The following TMEM135 variants were observed in gnomAD, a reference collection of about 807,000 sequenced individuals.
TMEM135 encodes peroxisomal membrane protein 52.
In TMEM135, 30 loss-of-function variants were observed where a neutral mutation model predicts 60.3. The observed-to-expected ratio is 0.50, with a 90% CI of 0.37 to 0.68. The LOEUF (loss-of-function observed/expected upper bound fraction) is 0.68. TMEM135 is among the 30% of genes least tolerant of loss of function. The pLI is 0.00. For synonymous variants in TMEM135, 190 were observed against 186.7 expected, an observed-to-expected ratio of 1.02 and a Z score of -0.14; for missense variants, 468 against 548.8, an observed-to-expected ratio of 0.85 and a Z score of 1.47.
intron 3 of TMEM135, among the ~76,000 whole-genome samples, chr11:87,085,765 A>G (rs1857083304): frequency 6.6e-6 from 1 of 152,150 alleles, no homozygotes; most frequent in Admixed American, 6.5e-5. Flanking sequence ...AAAAACAAAC[A>G]AACAACAACA....
At chr11:87,253,519 T>C (rs1024671135) in intron 6 of TMEM135, among the ~76,000 whole-genome samples, 1 of 151,940 alleles carries the variant, frequency 6.6e-6, no homozygotes. Context: ...ACCACTAATA[T>C]GTTATTCATT....
chr11:87,257,711 A>AG (rs1941557385), intron 6 of TMEM135, among the ~76,000 whole-genome samples: 1 of 152,148 alleles, frequency 6.6e-6, no homozygotes, highest in African/African-American at 2.4e-5. Context: ...TTGGTGGCCT[A>AG]GGGGAGTTGG....
At chr11:87,076,310 A>G (rs937670415) in intron 3 of TMEM135, among the ~76,000 whole-genome samples, 4 of 152,132 alleles carry the variant, frequency 2.6e-5, no homozygotes, top group East Asian at 1.9e-4. Context: ...CCATGTGGGC[A>G]CCACCACCAC....
chr11:87,105,568 G>A (rs1442510337), intron 4 of TMEM135, among the ~76,000 whole-genome samples: 1 of 152,098 alleles, frequency 6.6e-6, no homozygotes, highest in Non-Finnish European at 1.5e-5. Flanking sequence ...GCCTCCCAGG[G>A]TTAAATGCCA....
At chr11:87,057,575 C>T (rs1422823377) in intron 1 of TMEM135, among the ~76,000 whole-genome samples, 2 of 152,076 alleles carry the variant, frequency 1.3e-5, no homozygotes, top group African/African-American at 4.8e-5. Context: ...GCCTTAACTT[C>T]GTGGCTTGCT....
At chr11:87,139,841 T>G (rs962064444) in intron 4 of TMEM135, among the ~76,000 whole-genome samples, 3 of 152,112 alleles carry the variant, frequency 2.0e-5, no homozygotes, top group African/African-American at 7.2e-5. Context: ...CATAAATATT[T>G]GTGTGTGTGT....
At chr11:87,097,286 C>T (rs546139851) in intron 4 of TMEM135, among the ~76,000 whole-genome samples, 45 of 152,206 alleles carry the variant, frequency 3.0e-4, no homozygotes, top group African/African-American at 8.9e-4. Context: ...CGTGAGCCAC[C>T]GTGCCTGGTT....
chr11:87,304,727 C>T (rs967194389), intron 8 of TMEM135, among the ~76,000 whole-genome samples: 1 of 152,166 alleles, frequency 6.6e-6, no homozygotes, highest in Non-Finnish European at 1.5e-5. Flanking sequence ...AGTGCAGAGC[C>T]AGAACATTGC....
At chr11:87,223,880 C>CA (rs1940708188) in intron 5 of TMEM135, among the ~76,000 whole-genome samples, 1 of 151,836 alleles carries the variant, frequency 6.6e-6, no homozygotes, top group African/African-American at 2.4e-5. Context: ...AAAAAACCCC[C>CA]AAAACATTAT....
intron 5 of TMEM135, among the ~76,000 whole-genome samples, chr11:87,202,730 TAA>T (rs201573717): frequency 3.9e-4 from 52 of 134,364 alleles, no homozygotes; most frequent in Non-Finnish European, 3.7e-4. Flanking sequence ...TAAAAGACTT[TAA>T]AAAAAAAAAA....
intron 5 of TMEM135, among the ~76,000 whole-genome samples, chr11:87,175,830 C>T (rs970012389): frequency 1.3e-5 from 2 of 152,106 alleles, no homozygotes; most frequent in Non-Finnish European, 2.9e-5. Flanking sequence ...TTAGAAGACA[C>T]AGGCTTTATT....
intron 4 of TMEM135, among the ~76,000 whole-genome samples, chr11:87,145,688 A>AT (rs35881264): frequency 0.37 from 55,551 of 150,598 alleles, 10,704 homozygotes; most frequent in East Asian, 0.67. Flanking sequence ...TCTGATGTTG[A>AT]TTTTTTTTTC....
intron 6 of TMEM135, among the ~76,000 whole-genome samples, chr11:87,247,712 C>A (rs1157592285): frequency 6.6e-6 from 1 of 152,136 alleles, no homozygotes; most frequent in Non-Finnish European, 1.5e-5. Flanking sequence ...GTCGGAAAAG[C>A]GCAGTATTAG....
At chr11:87,261,993 A>G (rs1404071934) in intron 6 of TMEM135, among the ~76,000 whole-genome samples, 3 of 152,038 alleles carry the variant, frequency 2.0e-5, no homozygotes, top group Admixed American at 6.6e-5. Flanking sequence ...CAAATTATAT[A>G]TTGTTCTGTA....
chr11:87,196,917 C>G (rs565237236), intron 5 of TMEM135, among the ~76,000 whole-genome samples: 1 of 152,066 alleles, frequency 6.6e-6, no homozygotes, highest in Non-Finnish European at 1.5e-5. Flanking sequence ...TTTTGGATCT[C>G]TTAACCTTTG....
At chr11:87,214,401 A>G (rs1940452095) in intron 5 of TMEM135, among the ~76,000 whole-genome samples, 1 of 152,168 alleles carries the variant, frequency 6.6e-6, no homozygotes, top group Admixed American at 6.5e-5. Flanking sequence ...CTGGTGAACA[A>G]GAGAAGTGAA....
At chr11:87,123,277 G>T (rs35728847) in intron 4 of TMEM135, among the ~76,000 whole-genome samples, 72,074 of 151,656 alleles carry the variant, frequency 0.48, 17,372 homozygotes, top group East Asian at 0.67. Flanking sequence ...TGCTCCTGAA[G>T]TTTCTAGGGA....
At chr11:87,282,518 G>C (rs1464599718) in intron 6 of TMEM135, among the ~76,000 whole-genome samples, 1 of 152,114 alleles carries the variant, frequency 6.6e-6, no homozygotes, top group East Asian at 1.9e-4. Context: ...CACTCGCCTC[G>C]ACCTCCCAAA....
At chr11:87,073,237 G>T (rs188628018) in intron 3 of TMEM135, among the ~76,000 whole-genome samples, 31 of 152,212 alleles carry the variant, frequency 2.0e-4, no homozygotes, top group East Asian at 1.7e-3. Context: ...GTTTCACTTT[G>T]TTGGCCAGTA....
Sources: gnomAD v4.1 joint callset for allele counts (sites outside exome capture counted in the v4.1 genomes callset) on GRCh38, gnomAD v4.1.1 for gene constraint, MANE v1.5 for transcripts, NCBI Gene and HGNC (gene_info 2026-07-23, HGNC 2026-07-21) for gene names.